Variants in DTL observed in about 807,000 individuals in gnomAD.
DTL encodes denticleless protein homolog.
DTL carries 46 observed loss-of-function variants against 87.0 expected under a neutral mutation model. The ratio of observed to expected loss-of-function variants is 0.53; its 90% CI spans 0.42 to 0.68. DTL has a LOEUF of 0.68. Ranked by LOEUF, DTL falls within the 30% of genes least tolerant of loss-of-function variation. DTL has a pLI of 0.00. For missense variants in DTL, 737 were observed against 869.4 expected (o/e 0.85, Z 1.91); for synonymous variants, 308 against 311.2 (o/e 0.99, Z 0.11).
intron 14 of DTL, 63 bp from the exon 15 acceptor site, chr1:212,102,779 G>A: frequency 8.4e-7 from 1 of 1,190,304 alleles, no homozygotes; most frequent in Non-Finnish European, 1.2e-6. Flanking sequence ...GTATGCCTTA[G>A]TAATAACTTA....
chr1:212,070,227 C>T (rs1036395954), intron 10 of DTL, among the ~76,000 whole-genome samples: 3 of 152,152 alleles, frequency 2.0e-5, no homozygotes, highest in Non-Finnish European at 4.4e-5. Context: ...TCCAACACTT[C>T]GCTAATAATT....
intron 12 of DTL, among the ~76,000 whole-genome samples, chr1:212,079,326 G>T (rs1358637483): frequency 6.6e-6 from 1 of 151,222 alleles, no homozygotes; most frequent in Non-Finnish European, 1.5e-5. Context: ...TTTTTCAATT[G>T]TCATATATTA....
At position 212,100,266 on chromosome 1, in the gene DTL, A is replaced by T; in HGVS notation, c.1276A>T (p.Ser426Cys). The change falls in exon 14 of 15, where the codon AGC becomes TGC. Residue 426 changes from serine (S) to cysteine (C), a missense_variant. By Grantham distance (112) the Ser-to-Cys change is moderately radical (BLOSUM62 -1). Coordinates refer to ENST00000366991, the MANE Select transcript of DTL (RefSeq NM_016448.4). ...CTCTTTTTCAGTAACAGTAACGAGTAGCCAGAGTACTCCTGCCAAAGCCCC... is the reference window on the plus strand; with the variant it reads ...CTCTTTTTCAGTAACAGTAACGAGTTGCCAGAGTACTCCTGCCAAAGCCCC... ...SRPGLVTVTS[S>C]QSTPAKAPRA... 6.4e-7 allele frequency: 1 copy of T among 1,565,138 alleles called. No individual in the cohort carries two copies.
chr1:212,098,206 A>G (rs537059311), intron 13 of DTL, among the ~76,000 whole-genome samples: 17 of 149,000 alleles, frequency 1.1e-4, no homozygotes, highest in Admixed American at 5.4e-4. Context: ...AATGCTAGTT[A>G]TACTAGCACT....
rs1463186594 is a variant in DTL, at chr1:212,052,637, C to T, written c.460+5220C>T. Among the ~76,000 whole-genome samples, 5 of 116,264 alleles carry T rather than the reference C, an allele frequency of 4.3e-5. No individual in the cohort carries two copies. The East Asian group carries it at 8.8e-4, about 20-fold the overall frequency. The allele number at this position is 116,264 out of a possible 152,430, so 76.3% of individuals were successfully genotyped here. On this transcript the variant is annotated intron_variant, in intron 5 of 14. Transcript: ENST00000366991. Reference sequence around the variant, plus strand: ...CCAGCCTGGGCAACAGAGCGAGACTCTGCCTCAAAAAAAAAAAAAAAAGAA... The same window carrying T: ...CCAGCCTGGGCAACAGAGCGAGACTTTGCCTCAAAAAAAAAAAAAAAAGAA...
intron 1 of DTL, among the ~76,000 whole-genome samples, chr1:212,041,565 G>A (rs969759825): frequency 2.3e-4 from 35 of 152,104 alleles, no homozygotes; most frequent in Non-Finnish European, 3.8e-4. Flanking sequence ...GAGTGCAGTG[G>A]CGAGGTCTCA....
chr1:212,055,388 C>T (rs1375129301), intron 5 of DTL, among the ~76,000 whole-genome samples: 1 of 152,044 alleles, frequency 6.6e-6, no homozygotes, highest in East Asian at 1.9e-4. Flanking sequence ...AGAGAGATAT[C>T]ATACTGGGTC....
At chr1:212,056,191 A>G (rs1668171081) in intron 5 of DTL, among the ~76,000 whole-genome samples, 1 of 152,172 alleles carries the variant, frequency 6.6e-6, no homozygotes, top group Admixed American at 6.5e-5. Flanking sequence ...TGAAGGCCCA[A>G]GAATCTACCT....
chr1:212,079,981 A>G (rs1176507243), intron 12 of DTL, among the ~76,000 whole-genome samples: 1 of 152,206 alleles, frequency 6.6e-6, no homozygotes, highest in East Asian at 1.9e-4. Context: ...TCTCTGCCAT[A>G]AAAGGCTTGG....
At chr1:212,040,162 A>G (rs1667593435) in intron 1 of DTL, among the ~76,000 whole-genome samples, 1 of 152,138 alleles carries the variant, frequency 6.6e-6, no homozygotes, top group Non-Finnish European at 1.5e-5. Context: ...TTCTTATTCT[A>G]TAAGTTTTTT....
intron 13 of DTL, among the ~76,000 whole-genome samples, chr1:212,083,428 C>T (rs1377914322): frequency 1.3e-5 from 2 of 151,894 alleles, no homozygotes; most frequent in Admixed American, 1.3e-4. Flanking sequence ...ATAATGGGGC[C>T]AAGGGATAGT....
intron 10 of DTL, 59 bp from the exon 11 acceptor site, chr1:212,072,042 A>G: frequency 8.5e-7 from 1 of 1,172,202 alleles, no homozygotes. Flanking sequence ...TGCTGTCTAT[A>G]TCCATTTGAC....
chr1:212,102,300 G>T (rs904175854), intron 14 of DTL, among the ~76,000 whole-genome samples: 1 of 151,642 alleles, frequency 6.6e-6, no homozygotes, highest in Non-Finnish European at 1.5e-5. Context: ...TTTTTCAAGG[G>T]AGCTGGTCTC....
chr1:212,062,864 ATCTGTTTAT>A lies in DTL; in HGVS notation c.461-18_461-10del, dbSNP rs1415403324. On this transcript the variant is annotated splice_polypyrimidine_tract_variant and intron_variant, in intron 5 of 14. Transcript: ENST00000366991. Reference sequence around the variant, plus strand: ...GACTGGTTTTGTTAACCTCTTAATAATCTGTTTATTTCCCCACAGCTGTATTCTGTACGG... The same window carrying A: ...GACTGGTTTTGTTAACCTCTTAATAATTCCCCACAGCTGTATTCTGTACGG... 6.2e-7 allele frequency: 1 copy of A among 1,606,820 alleles called. No homozygotes were observed. Among genetic ancestry groups the A allele is most frequent in the Non-Finnish European group, 8.5e-7 (1 of 1,173,572 alleles).
intron 5 of DTL, among the ~76,000 whole-genome samples, chr1:212,055,503 A>G (rs3010014): frequency 0.046 from 6,998 of 152,200 alleles, 225 homozygotes; most frequent in African/African-American, 0.083. Context: ...GGAGCCACAC[A>G]CAGCGACCTC....
At chr1:212,068,557 C>T (rs369289168) in intron 9 of DTL, 42 bp from the exon 10 acceptor site, 36 of 1,249,074 alleles carry the variant, frequency 2.9e-5, no homozygotes, top group Non-Finnish European at 3.6e-5. Context: ...CAGATCTACT[C>T]ACCATCATCA....
At chr1:212,036,932 TGAG>T in intron 1 of DTL, among the ~76,000 whole-genome samples, 1 of 152,230 alleles carries the variant, frequency 6.6e-6, no homozygotes, top group East Asian at 1.9e-4. Context: ...AGAAAGAGAC[TGAG>T]AAGTAGTCCC....
intron 13 of DTL, among the ~76,000 whole-genome samples, chr1:212,082,753 G>A (rs1239297763): frequency 6.6e-6 from 1 of 152,114 alleles, no homozygotes; most frequent in East Asian, 1.9e-4. Context: ...AGGGAGAAAG[G>A]GAGTAGAGAT....
Position 212,102,976 on chromosome 1 carries a change from C to G in DTL, c.*36C>G. On this transcript the variant is annotated 3_prime_UTR_variant, in exon 15 of 15. Coordinates refer to ENST00000366991, the MANE Select transcript of DTL (RefSeq NM_016448.4). ...GAGTGAGTTACTGAGCTTTGGTCCA[C>G]TAAAACAAGCTGAGCTTTGGTCCAC... 1 of 1,251,932 alleles carries G rather than the reference C, an allele frequency of 8.0e-7. No individual in the cohort carries two copies. The highest frequency in any genetic ancestry group is 1.1e-6 in the Non-Finnish European group (1 of 870,560). 77.6% of individuals were successfully genotyped at this position (1,251,932 alleles called of 1,614,324 possible).
Sources: gnomAD v4.1 joint callset for allele counts (sites outside exome capture counted in the v4.1 genomes callset) on GRCh38, gnomAD v4.1.1 for gene constraint, MANE v1.5 for transcripts, NCBI Gene and HGNC (gene_info 2026-07-23, HGNC 2026-07-21) for gene names.